GRIN2A: variants seen among roughly 807,000 people sequenced by gnomAD.
GRIN2A encodes glutamate receptor ionotropic, NMDA 2A.
Under a neutral mutation model 113.4 loss-of-function variants are expected in GRIN2A, and 22 were observed. The observed-to-expected ratio is 0.19, with a 90% CI of 0.14 to 0.28. The LOEUF is 0.28. Ranked by LOEUF, GRIN2A falls within the 10% of genes least tolerant of loss-of-function variation. The pLI is 1.00. For synonymous variants in GRIN2A, 827 were observed against 738.4 expected, an observed-to-expected ratio of 1.12 and a Z score of -1.94; for missense variants, 1,502 against 1,887.0, an observed-to-expected ratio of 0.80 and a Z score of 3.78.
chr16:9,889,944 T>C (rs1330634165), intron 4 of GRIN2A, among the ~76,000 whole-genome samples: 2 of 152,174 alleles, frequency 1.3e-5, no homozygotes, highest in African/African-American at 2.4e-5. Context: ...GGGTGTAGGA[T>C]GCAAAACTTT....
chr16:9,899,011 C>T (rs1012911319), intron 3 of GRIN2A, among the ~76,000 whole-genome samples: 1 of 152,074 alleles, frequency 6.6e-6, no homozygotes, highest in African/African-American at 2.4e-5. Context: ...CTCTGAATAT[C>T]CTTGCGCTGT....
At chr16:9,955,060 A>G (rs1348417130) in intron 2 of GRIN2A, among the ~76,000 whole-genome samples, 2 of 152,206 alleles carry the variant, frequency 1.3e-5, no homozygotes, top group Non-Finnish European at 2.9e-5. Flanking sequence ...CCCCATGGGC[A>G]GTCAATAAAT....
chr16:10,068,805 T>C (rs2047696692), intron 2 of GRIN2A, among the ~76,000 whole-genome samples: 2 of 152,238 alleles, frequency 1.3e-5, no homozygotes, highest in South Asian at 4.1e-4. Context: ...TCAGGGAATC[T>C]GTCTCTGGGG....
intron 2 of GRIN2A, among the ~76,000 whole-genome samples, chr16:10,174,526 GAGA>G (rs2050105897): frequency 6.6e-6 from 1 of 152,224 alleles, no homozygotes; most frequent in South Asian, 2.1e-4. Context: ...AGAGCAATCA[GAGA>G]AGAACTTTAT....
At chr16:10,128,535 C>T (rs1029623849) in intron 2 of GRIN2A, among the ~76,000 whole-genome samples, 1 of 152,190 alleles carries the variant, frequency 6.6e-6, no homozygotes, top group Non-Finnish European at 1.5e-5. Context: ...TGGAACCAGC[C>T]TTGGAATGCA....
intron 2 of GRIN2A, among the ~76,000 whole-genome samples, chr16:10,145,097 T>C (rs765394686): frequency 1.8e-4 from 27 of 151,674 alleles, no homozygotes; most frequent in African/African-American, 1.9e-4. Flanking sequence ...GGACAAAAAC[T>C]GCATGATTCC....
intron 5 of GRIN2A, among the ~76,000 whole-genome samples, chr16:9,842,334 T>C (rs2042695681): frequency 6.6e-6 from 1 of 152,156 alleles, no homozygotes. Context: ...ACAATTCACA[T>C]AAGATCAAAG....
chr16:10,041,019 A>C (rs1457724353), intron 2 of GRIN2A, among the ~76,000 whole-genome samples: 1 of 152,196 alleles, frequency 6.6e-6, no homozygotes, highest in Non-Finnish European at 1.5e-5. Context: ...AAAGTAACCC[A>C]GGTTAAGGCA....
At chr16:10,035,079 G>GCA (rs2141938665) in intron 2 of GRIN2A, among the ~76,000 whole-genome samples, 1 of 95,796 alleles carries the variant, frequency 1.0e-5, no homozygotes, top group South Asian at 4.7e-4. Flanking sequence ...AGGCTGGAGT[G>GCA]CAGTGGCACC....
intron 2 of GRIN2A, among the ~76,000 whole-genome samples, chr16:9,968,070 C>T (rs1023761313): frequency 1.1e-4 from 17 of 151,900 alleles, no homozygotes; most frequent in Non-Finnish European, 2.5e-4. Flanking sequence ...AGTGGGTAGG[C>T]GTTATTATTG....
intron 2 of GRIN2A, among the ~76,000 whole-genome samples, chr16:10,134,476 AG>A (rs1355737729): frequency 2.6e-5 from 1 of 39,138 alleles, no homozygotes; most frequent in East Asian, 6.2e-4. Context: ...GGGGCCTGTC[AG>A]GGGGTAGGGG....
chr16:9,953,069 G>T (rs1440887364), intron 2 of GRIN2A, among the ~76,000 whole-genome samples: 1 of 152,136 alleles, frequency 6.6e-6, no homozygotes, highest in Non-Finnish European at 1.5e-5. Context: ...TTGGAGGAGG[G>T]AATGAATGAA....
At chr16:10,080,431 G>A (rs984207725) in intron 2 of GRIN2A, among the ~76,000 whole-genome samples, 11 of 152,178 alleles carry the variant, frequency 7.2e-5, no homozygotes, top group Non-Finnish European at 1.5e-4. Context: ...CTCTGCAAAC[G>A]ACAAGCCATC....
intron 3 of GRIN2A, among the ~76,000 whole-genome samples, chr16:9,927,042 C>G (rs1217714321): frequency 6.6e-6 from 1 of 152,222 alleles, no homozygotes; most frequent in African/African-American, 2.4e-5. Flanking sequence ...TTTACATTAC[C>G]TGTGTGGCTC....
chr16:9,908,829 G>A (rs2044077548), intron 3 of GRIN2A, among the ~76,000 whole-genome samples: 1 of 152,170 alleles, frequency 6.6e-6, no homozygotes, highest in Non-Finnish European at 1.5e-5. Flanking sequence ...AGGGAGCAGT[G>A]AGGGGATGCA....
intron 2 of GRIN2A, among the ~76,000 whole-genome samples, chr16:10,007,682 C>T (rs145334810): frequency 1.2e-4 from 18 of 151,276 alleles, no homozygotes; most frequent in South Asian, 2.1e-4. Context: ...TCGGGGTCCA[C>T]GTAAATTTTA....
intron 4 of GRIN2A, among the ~76,000 whole-genome samples, chr16:9,887,643 A>G (rs914688172): frequency 1.3e-5 from 2 of 152,234 alleles, no homozygotes; most frequent in Non-Finnish European, 2.9e-5. Context: ...ACATTCTTGT[A>G]CAAGTATTAC....
intron 4 of GRIN2A, among the ~76,000 whole-genome samples, chr16:9,850,207 A>G (rs1487892261): frequency 1.3e-5 from 2 of 152,202 alleles, no homozygotes; most frequent in Non-Finnish European, 2.9e-5. Flanking sequence ...GGCAGTGCCC[A>G]GGCACTGATA....
chr16:9,763,100 T>C lies in GRIN2A; in HGVS notation c.*49A>G. The C allele has an allele frequency of 6.4e-7, 1 of 1,572,986 alleles. No individual in the cohort carries two copies. Among genetic ancestry groups the C allele is most frequent in the East Asian group, 2.2e-5 (1 of 44,688 alleles). On this transcript the variant is annotated 3_prime_UTR_variant, in exon 13 of 13. Transcript: ENST00000330684. ...CATCCAACATTTACCCTCCAGAACA[T>C]TGGCCATTACGTATATTTCCCTATA...
Sources: allele counts gnomAD v4.1 joint callset (sites outside exome capture counted in the v4.1 genomes callset), GRCh38; gene constraint gnomAD v4.1.1; transcripts MANE v1.5; gene names NCBI Gene and HGNC (gene_info 2026-07-23, HGNC 2026-07-21).